Variants in PTPRN2 observed in about 807,000 individuals in gnomAD.
PTPRN2 encodes the protein protein tyrosine phosphatase receptor type N2.
Under a neutral mutation model 118.8 loss-of-function variants are expected in PTPRN2, and 74 were observed. The ratio of observed to expected loss-of-function variants is 0.62; its 90% CI spans 0.52 to 0.76. PTPRN2 has a LOEUF of 0.76. Ranked by LOEUF, PTPRN2 falls within the 30% of genes least tolerant of loss-of-function variation. The probability of loss-of-function intolerance (pLI) is 0.00; values close to 1 mark genes in which losing one functional copy is unlikely to be tolerated. For missense variants in PTPRN2, 1,481 were observed against 1,394.4 expected, an observed-to-expected ratio of 1.06 and a Z score of -0.99; for synonymous variants, 641 against 608.0, an observed-to-expected ratio of 1.05 and a Z score of -0.80.
chr7:158,393,770 T>C (rs2151382886), intron 2 of PTPRN2, among the ~76,000 whole-genome samples: 1 of 152,234 alleles, frequency 6.6e-6, no homozygotes, highest in South Asian at 2.1e-4. Flanking sequence ...TGCAACACAC[T>C]TCAAGGAAGC....
intron 11 of PTPRN2, among the ~76,000 whole-genome samples, chr7:158,025,493 T>C (rs1293912634): frequency 6.6e-6 from 1 of 152,174 alleles, no homozygotes; most frequent in African/African-American, 2.4e-5. Context: ...TTGGTTTACT[T>C]CTTTAATAGC....
chr7:158,533,769 C>A (rs931225244), intron 1 of PTPRN2, among the ~76,000 whole-genome samples: 2 of 152,236 alleles, frequency 1.3e-5, no homozygotes, highest in Non-Finnish European at 2.9e-5. Context: ...TCCAGGGTGC[C>A]CTGATGGACA....
chr7:158,372,412 TCCC>T (rs1173841797), intron 2 of PTPRN2, among the ~76,000 whole-genome samples: 2 of 121,474 alleles, frequency 1.6e-5, no homozygotes, highest in Non-Finnish European at 1.7e-5. Context: ...CCAGAGCTGG[TCCC>T]CCCAACACTG....
intron 12 of PTPRN2, among the ~76,000 whole-genome samples, chr7:157,837,396 C>T (rs1808048596): frequency 6.6e-6 from 1 of 151,702 alleles, no homozygotes; most frequent in Admixed American, 6.6e-5. Flanking sequence ...TTATGGACGG[C>T]TAGGACATTA....
intron 2 of PTPRN2, among the ~76,000 whole-genome samples, chr7:158,421,536 G>A (rs570228295): frequency 6.6e-6 from 1 of 152,322 alleles, no homozygotes; most frequent in South Asian, 2.1e-4. Context: ...AGAAATAAAT[G>A]GAAAGAAAGA....
chr7:157,753,122 T>C (rs1801579035), intron 12 of PTPRN2, among the ~76,000 whole-genome samples: 1 of 152,190 alleles, frequency 6.6e-6, no homozygotes, highest in Non-Finnish European at 1.5e-5. Flanking sequence ...GCAAGGACAG[T>C]GAAGCTACTG....
At chr7:157,706,066 C>T (rs927486516) in intron 12 of PTPRN2, among the ~76,000 whole-genome samples, 2 of 149,670 alleles carry the variant, frequency 1.3e-5, no homozygotes, top group Non-Finnish European at 3.0e-5. Context: ...CCTAGAATGC[C>T]GGGAACTGAG....
intron 2 of PTPRN2, among the ~76,000 whole-genome samples, chr7:158,371,811 A>C (rs1810017930): frequency 6.6e-6 from 1 of 152,258 alleles, no homozygotes; most frequent in Admixed American, 6.5e-5. Flanking sequence ...ATTACACCAC[A>C]TTAAAGATCA....
chr7:157,949,198 T>G (rs1457936666), intron 11 of PTPRN2, among the ~76,000 whole-genome samples: 1 of 152,232 alleles, frequency 6.6e-6, no homozygotes, highest in African/African-American at 2.4e-5. Context: ...GGTTAGGGAC[T>G]CACGTAGGAT....
At position 157,702,805 on chromosome 7, in the gene PTPRN2, C is replaced by T. The variant is rs368774217; in HGVS notation, c.1789-19868G>A. 1.3e-4 allele frequency among the ~76,000 whole-genome samples: 20 copies of T among 152,326 alleles called. 1 individual carries two copies. In the East Asian group the frequency reaches 2.9e-3, roughly 22 times the overall value. On this transcript the variant is annotated intron_variant, in intron 12 of 22. Transcript: ENST00000389418. ...TCAAACACCCGCCGTCCTGCTGCTC[C>T]GCGCTGCCGAATCTGCTCCTCTCTC...
At chr7:158,057,897 C>T (rs1371800713) in intron 11 of PTPRN2, among the ~76,000 whole-genome samples, 1 of 152,218 alleles carries the variant, frequency 6.6e-6, no homozygotes, top group African/African-American at 2.4e-5. Flanking sequence ...GTCCTCAGGT[C>T]TACGAATACG....
chr7:158,072,055 T>G (rs376148623), intron 11 of PTPRN2, among the ~76,000 whole-genome samples: 530 of 56,938 alleles, frequency 9.3e-3, no homozygotes, highest in South Asian at 0.018. Flanking sequence ...TGGTGGAGGT[T>G]CCCGTGGTGG....
chr7:158,276,090 A>G (rs1287684670), intron 3 of PTPRN2, among the ~76,000 whole-genome samples: 1 of 152,094 alleles, frequency 6.6e-6, no homozygotes, highest in Non-Finnish European at 1.5e-5. Context: ...AGCTGCCTCC[A>G]GGGGTGCGTC....
At chr7:157,697,870 A>T (rs1424180713) in intron 12 of PTPRN2, among the ~76,000 whole-genome samples, 1 of 148,432 alleles carries the variant, frequency 6.7e-6, no homozygotes, top group Non-Finnish European at 1.5e-5. Flanking sequence ...CTCACCATCT[A>T]CTCATGCATA....
At position 158,110,885 on chromosome 7, in the gene PTPRN2, C is replaced by A; in HGVS notation, c.1587G>T (p.Leu529=). The A allele has an allele frequency of 6.3e-7, 1 of 1,582,718 alleles. No homozygotes were observed. The highest frequency in any genetic ancestry group is 8.6e-7 in the Non-Finnish European group (1 of 1,164,650). Residue 529 remains leucine, a synonymous_variant, in exon 10 of 23, where the codon CTG becomes CTT. Transcript: ENST00000389418. The part of the protein sequence containing the change: ...DPLRPEEGRR[L]VEDVARLLQV... ...GCAGGAGGCGGGCGACGTCCTCCAC[C>A]AGCCGCCTTCCTTCCTCGGGGCGCA...
rs1053159226 is a variant in PTPRN2 at position 157,595,148 on chromosome 7, AT to A, written c.2496+89del. On this transcript the variant is annotated intron_variant, in intron 17 of 22. Coordinates refer to ENST00000389418, the MANE Select transcript of PTPRN2 (RefSeq NM_002847.5). Reference sequence around the variant, plus strand: ...TTGATGAGCATTTGTAAGAAGTTTGATTGGCCTAATCAGATTCAAGACATGA... The same window carrying A: ...TTGATGAGCATTTGTAAGAAGTTTGATGGCCTAATCAGATTCAAGACATGA... The A allele has an allele frequency of 2.5e-6, 3 of 1,195,536 alleles. No homozygotes were observed. The African/African-American group carries it at 4.5e-5, about 18-fold the overall frequency. The allele number at this position is 1,195,536 out of a possible 1,614,324, so 74.1% of individuals were successfully genotyped here.
At chr7:158,580,036 A>C (rs1828542460) in intron 1 of PTPRN2, among the ~76,000 whole-genome samples, 1 of 152,220 alleles carries the variant, frequency 6.6e-6, no homozygotes, top group Non-Finnish European at 1.5e-5. Flanking sequence ...CTCTTAGTAA[A>C]AGAGATGTGA....
intron 12 of PTPRN2, among the ~76,000 whole-genome samples, chr7:157,683,348 G>C (rs1797003946): frequency 6.6e-6 from 1 of 152,184 alleles, no homozygotes; most frequent in Non-Finnish European, 1.5e-5. Flanking sequence ...CGGTGGAGGA[G>C]GGTGGGCAGG....
chr7:158,071,664 G>A lies in PTPRN2; in HGVS notation c.1723+9634C>T, dbSNP rs865912848. On this transcript the variant is annotated intron_variant, in intron 11 of 22. Coordinates refer to ENST00000389418, the MANE Select transcript of PTPRN2 (RefSeq NM_002847.5). Reference sequence around the variant, plus strand: ...GATGCTCGTGGTGATGGAGGTGCTCGTGGTGGTGGAGGTGCTCCTGGTGGA... The same window carrying A: ...GATGCTCGTGGTGATGGAGGTGCTCATGGTGGTGGAGGTGCTCCTGGTGGA... Among the ~76,000 whole-genome samples the A allele has an allele frequency of 1.4e-3, 147 of 103,516 alleles. 2 individuals carry two copies. The highest frequency in any genetic ancestry group is 4.5e-3 in the African/African-American group (123 of 27,386). 67.9% of individuals were successfully genotyped at this position (103,516 alleles called of 152,430 possible). A position where few individuals can be genotyped will look rare whatever the true frequency, so the allele number is the denominator to read the frequency against.
Sources: allele counts gnomAD v4.1 joint callset (sites outside exome capture counted in the v4.1 genomes callset), GRCh38; gene constraint gnomAD v4.1.1; transcripts MANE v1.5; gene names NCBI Gene and HGNC (gene_info 2026-07-23, HGNC 2026-07-21).